The following CD276 variants were observed in gnomAD, a reference collection of about 807,000 sequenced individuals.
CD276 encodes the protein CD276 molecule.
A neutral mutation model predicts 50.0 loss-of-function variants in CD276; 34 were observed. The ratio of observed to expected loss-of-function variants is 0.68; its 90% confidence interval spans 0.52 to 0.91. The LOEUF is 0.91. Among genes scored for constraint, CD276 ranks in the 40% least tolerant of loss-of-function variants. The probability of loss-of-function intolerance (pLI) is 0.00; values close to 1 mark genes in which losing one functional copy is unlikely to be tolerated. For missense variants in CD276, 634 were observed against 717.5 expected (o/e 0.88, Z 1.33); for synonymous variants, 275 against 313.0 (o/e 0.88, Z 1.28).
At position 73,703,798 on chromosome 15, in the gene CD276, A is replaced by T. The variant is rs369209126; in HGVS notation, c.873A>T (p.Lys291Asn). ...TCATCTGGCAGCTGACAGACACCAA[A>T]CAGCTGGTGCACAGTTTCACCGAAG... ...LNLIWQLTDT[K>N]QLVHSFTEGR... The change falls in exon 5 of 10, where the codon AAA (lysine) becomes AAT (asparagine). Residue 291 changes from lysine (K) to asparagine (N), a missense_variant. Physicochemically the swap from Lys to Asn is moderately conservative, Grantham distance 94. Transcript: ENST00000318443. 1 of 1,613,552 alleles carries T rather than the reference A, an allele frequency of 6.2e-7. No homozygotes were observed. The highest frequency in any genetic ancestry group is 1.1e-5 in the South Asian group (1 of 91,068).
chr15:73,689,732 C>A (rs934387331), intron 1 of CD276, among the ~76,000 whole-genome samples: 1 of 152,194 alleles, frequency 6.6e-6, no homozygotes, highest in Admixed American at 6.5e-5. Flanking sequence ...TTGAACCTGT[C>A]TCTCCAACTC....
At chr15:73,711,290 C>A in intron 9 of CD276, 120 bp downstream of exon 9, 2 of 1,054,388 alleles carry the variant, frequency 1.9e-6, no homozygotes, top group Non-Finnish European at 2.9e-6. Context: ...TGCAGAAGAG[C>A]AGCCTCAACT....
At chr15:73,706,408 T>C (rs751261952) in intron 6 of CD276, among the ~76,000 whole-genome samples, 6 of 152,160 alleles carry the variant, frequency 3.9e-5, no homozygotes, top group Non-Finnish European at 7.4e-5. Flanking sequence ...AGACCCTTCT[T>C]TGAAAATTGG....
Position 73,713,738 on chromosome 15 carries a change from G to C in CD276, c.*782G>C, listed in dbSNP as rs1376872182. On this transcript the variant is annotated 3_prime_UTR_variant, in exon 10 of 10. Transcript: ENST00000318443. Reference sequence around the variant, plus strand: ...ATCCTCCCCACGGAAGCATGTGCTGGTCACACTGGTTCTCCAGGGGTCTGT... The same window carrying C: ...ATCCTCCCCACGGAAGCATGTGCTGCTCACACTGGTTCTCCAGGGGTCTGT... 2 of 438,064 alleles carry C rather than the reference G, an allele frequency of 4.6e-6. No individual in the cohort carries two copies. The highest frequency in any genetic ancestry group is 5.2e-5 in the Admixed American group (2 of 38,124). 27.1% of individuals were successfully genotyped at this position (438,064 alleles called of 1,614,324 possible).
intron 1 of CD276, among the ~76,000 whole-genome samples, chr15:73,694,541 T>C (rs1160602688): frequency 6.6e-6 from 1 of 152,234 alleles, no homozygotes; most frequent in Non-Finnish European, 1.5e-5. Context: ...TTCTCACCCA[T>C]GTGACCATCT....
chr15:73,697,917 C>G (rs7176174), intron 1 of CD276, among the ~76,000 whole-genome samples: 5 of 152,020 alleles, frequency 3.3e-5, no homozygotes, highest in Admixed American at 1.3e-4. Flanking sequence ...AGTGTTACAG[C>G]CTATCTCCCA....
At chr15:73,707,855 G>A (rs1900708622) in intron 6 of CD276, among the ~76,000 whole-genome samples, 1 of 152,234 alleles carries the variant, frequency 6.6e-6, no homozygotes, top group African/African-American at 2.4e-5. Context: ...TCTGGAGGAG[G>A]TGAATATTGA....
chr15:73,699,406 G>A (rs768948328), intron 1 of CD276, among the ~76,000 whole-genome samples, 180 bp from the exon 2 acceptor site: 4 of 152,156 alleles, frequency 2.6e-5, no homozygotes, highest in Non-Finnish European at 5.9e-5. Flanking sequence ...GCCTCCCCAG[G>A]GACTCCCTGC....
chr15:73,701,567 C>A (rs1900389920), intron 2 of CD276, among the ~76,000 whole-genome samples: 1 of 152,202 alleles, frequency 6.6e-6, no homozygotes, highest in Non-Finnish European at 1.5e-5. Flanking sequence ...TGCCTCAGGG[C>A]CTTCCACCTG....
intron 6 of CD276, among the ~76,000 whole-genome samples, chr15:73,705,679 G>A (rs1180494679): frequency 1.3e-5 from 2 of 152,124 alleles, no homozygotes; most frequent in Non-Finnish European, 2.9e-5. Flanking sequence ...CAGGCGAAAA[G>A]AAGAAATAGA....
At position 73,703,025 on chromosome 15, in the gene CD276, C is replaced by T. The variant is rs1364443165; in HGVS notation, c.672C>T (p.Asn224=). Residue 224 remains asparagine, a synonymous_variant, in exon 4 of 10, where the codon AAC becomes AAT. Transcript: ENST00000318443. ...GCACCTACAGCTGCCTGGTGCGCAACCCCGTGCTGCAGCAGGATGCGCACA... is the reference window on the plus strand; with the variant it reads ...GCACCTACAGCTGCCTGGTGCGCAATCCCGTGCTGCAGCAGGATGCGCACA... The part of the protein sequence containing the change: ...ANGTYSCLVR[N]PVLQQDAHSS... 3 of 1,613,832 alleles carry T rather than the reference C, an allele frequency of 1.9e-6. No individual in the cohort carries two copies. The highest frequency in any genetic ancestry group is 2.2e-5 in the East Asian group (1 of 44,870).
chr15:73,696,244 G>T (rs1900169407), intron 1 of CD276, among the ~76,000 whole-genome samples: 1 of 151,896 alleles, frequency 6.6e-6, no homozygotes. Context: ...GTCCCGGCTG[G>T]GGATGAGATT....
At position 73,702,425 on chromosome 15, in the gene CD276, G is replaced by A. The variant is rs1900434281; in HGVS notation, c.250G>A (p.Asp84Asn). The change falls in exon 3 of 10, where the codon GAC (aspartate) becomes AAC (asparagine). Residue 84 changes from aspartate to asparagine, a missense_variant. By Grantham distance (23) the Asp-to-Asn change is conservative. Coordinates refer to ENST00000318443, the MANE Select transcript of CD276 (RefSeq NM_001024736.2). ...GGTGCACAGCTTTGCTGAGGGCCAG[G>A]ACCAGGGCAGCGCCTATGCCAACCG... ...QLVHSFAEGQ[D>N]QGSAYANRTA... The A allele has an allele frequency of 6.2e-7, 1 of 1,613,788 alleles. No individual in the cohort carries two copies. Among genetic ancestry groups the A allele is most frequent in the Non-Finnish European group, 8.5e-7 (1 of 1,180,040 alleles).
At chr15:73,693,755 T>G (rs1017459200) in intron 1 of CD276, among the ~76,000 whole-genome samples, 9 of 152,046 alleles carry the variant, frequency 5.9e-5, no homozygotes, top group Non-Finnish European at 1.2e-4. Context: ...TGAGGACTGT[T>G]GTGGGCTGTA....
intron 1 of CD276, among the ~76,000 whole-genome samples, chr15:73,692,087 C>G (rs531284419): frequency 6.6e-6 from 1 of 152,186 alleles, no homozygotes; most frequent in Non-Finnish European, 1.5e-5. Context: ...TCCTGAGTCT[C>G]AGCCTCTCCT....
Position 73,703,095 on chromosome 15 carries a change from G to T in CD276, c.733+9G>T. On this transcript the variant is annotated intron_variant, in intron 4 of 9. Coordinates refer to ENST00000318443, the MANE Select transcript of CD276 (RefSeq NM_001024736.2). ...CCAGAGAAGCCCCACAGGTTGCTTT[G>T]CTTAAATGTCCCCTTGGGGGAGGGG... 6.4e-7 allele frequency: 1 copy of T among 1,573,104 alleles called. No homozygotes were observed. The highest frequency in any genetic ancestry group is 8.6e-7 in the Non-Finnish European group (1 of 1,156,842).
At chr15:73,706,726 A>T (rs777353769) in intron 6 of CD276, among the ~76,000 whole-genome samples, 1 of 152,172 alleles carries the variant, frequency 6.6e-6, no homozygotes, top group African/African-American at 2.4e-5. Flanking sequence ...CCCGTACCTG[A>T]TGAAGTTAGT....
Position 73,702,858 on chromosome 15 carries a change from CA to C in CD276, c.506del (p.Gln169ArgfsTer18). On this transcript the variant is annotated frameshift_variant, in exon 4 of 10. Coordinates refer to ENST00000318443, the MANE Select transcript of CD276 (RefSeq NM_001024736.2). LOFTEE classifies it high-confidence loss of function. ...GGTGACCATCACGTGCTCCAGCTAC[CA>C]GGGCTACCCTGAGGCTGAGGTGTTC... ...DTVTITCSSY[Q>X]GYPEAEVFWQ... is the part of the protein sequence containing the mutation. 2 of 1,614,162 alleles carry C rather than the reference CA, an allele frequency of 1.2e-6. No homozygotes were observed. Among genetic ancestry groups the C allele is most frequent in the Non-Finnish European group, 1.7e-6 (2 of 1,180,022 alleles).
intron 7 of CD276, 80 bp downstream of exon 7, chr15:73,708,553 A>T (rs1325234085): frequency 6.7e-7 from 1 of 1,486,126 alleles, no homozygotes; most frequent in African/African-American, 1.4e-5. Flanking sequence ...ATGTCAATAG[A>T]GTGTCACTTT....
Sources: gnomAD v4.1 joint callset for allele counts (sites outside exome capture counted in the v4.1 genomes callset) on GRCh38, gnomAD v4.1.1 for gene constraint, MANE v1.5 for transcripts, NCBI Gene and HGNC (gene_info 2026-07-23, HGNC 2026-07-21) for gene names.